FHOD3: variants seen among roughly 807,000 people sequenced by gnomAD.
The protein encoded by FHOD3 is FH1/FH2 domain-containing protein 3.
FHOD3 carries 90 observed loss-of-function variants against 173.0 expected under a neutral mutation model. That is an observed-to-expected ratio of 0.52 (90% CI 0.44 to 0.62). The LOEUF (loss-of-function observed/expected upper bound fraction) is 0.62, where lower values mean the gene tolerates loss of function less well. Ranked by LOEUF, FHOD3 falls within the 20% of genes least tolerant of loss-of-function variation. FHOD3 has a pLI of 0.00. For synonymous variants in FHOD3, 828 were observed against 823.0 expected (o/e 1.01, Z -0.10); for missense variants, 1,945 against 2,034.7 (o/e 0.96, Z 0.85).
At chr18:36,366,965 A>G (rs1358266683) in intron 2 of FHOD3, among the ~76,000 whole-genome samples, 1 of 152,188 alleles carries the variant, frequency 6.6e-6, no homozygotes, top group African/African-American at 2.4e-5. Context: ...TGCTGGAGAA[A>G]GTCATCAAGC....
chr18:36,430,453 T>A (rs1599085431), intron 3 of FHOD3, among the ~76,000 whole-genome samples: 1 of 152,210 alleles, frequency 6.6e-6, no homozygotes, highest in Admixed American at 6.5e-5. Flanking sequence ...TGACCTCAGG[T>A]GATCCGCCTG....
intron 15 of FHOD3, among the ~76,000 whole-genome samples, chr18:36,682,415 T>C (rs903572116): frequency 1.3e-5 from 2 of 152,126 alleles, no homozygotes; most frequent in East Asian, 3.8e-4. Flanking sequence ...ATTTACCCTA[T>C]AGCTTCTACA....
chr18:36,490,314 A>C (rs2054400980), intron 3 of FHOD3, among the ~76,000 whole-genome samples: 1 of 152,170 alleles, frequency 6.6e-6, no homozygotes, highest in African/African-American at 2.4e-5. Flanking sequence ...ATGGACGTGG[A>C]CTTTGCTGGG....
chr18:36,587,102 G>C (rs1472815710), intron 6 of FHOD3, among the ~76,000 whole-genome samples: 2 of 152,178 alleles, frequency 1.3e-5, no homozygotes, highest in Admixed American at 1.3e-4. Flanking sequence ...CAATGAAGGG[G>C]TTGGGGCATT....
chr18:36,514,753 G>T (rs889202217), intron 5 of FHOD3, among the ~76,000 whole-genome samples: 12 of 152,072 alleles, frequency 7.9e-5, no homozygotes, highest in Non-Finnish European at 1.5e-4. Flanking sequence ...TTGCATCAGC[G>T]CAATAGTTTA....
At chr18:36,382,797 C>T (rs1053582624) in intron 3 of FHOD3, among the ~76,000 whole-genome samples, 7 of 60,638 alleles carry the variant, frequency 1.2e-4, no homozygotes, top group Non-Finnish European at 1.7e-4. Flanking sequence ...AAGACTGTCT[C>T]TATATTTTGA....
chr18:36,361,206 G>A (rs768105098), intron 2 of FHOD3, among the ~76,000 whole-genome samples: 4 of 151,848 alleles, frequency 2.6e-5, no homozygotes, highest in Admixed American at 2.0e-4. Context: ...ATCAAGTTCT[G>A]CCCCTGCTCT....
chr18:36,440,400 C>T (rs1208019647), intron 3 of FHOD3, among the ~76,000 whole-genome samples: 2 of 152,236 alleles, frequency 1.3e-5, no homozygotes, highest in Admixed American at 6.5e-5. Flanking sequence ...ACTCCCCTTC[C>T]TTATTTGAGG....
At chr18:36,421,963 A>AT (rs2050008771) in intron 3 of FHOD3, among the ~76,000 whole-genome samples, 1 of 152,256 alleles carries the variant, frequency 6.6e-6, no homozygotes, top group African/African-American at 2.4e-5. Flanking sequence ...TCAACAATGT[A>AT]TACAAACCTT....
intron 3 of FHOD3, among the ~76,000 whole-genome samples, chr18:36,477,584 TACCTACCTACCTAC>T: frequency 7.1e-6 from 1 of 140,220 alleles, no homozygotes; most frequent in African/African-American, 2.7e-5. Flanking sequence ...CCTACCTACC[TACCTACCTACCTAC>T]CTATCTACCT....
At position 36,763,475 on chromosome 18, in the gene FHOD3, ATAT is replaced by A. The variant is rs940678832; in HGVS notation, c.4624+2695_4624+2697del. ...ATGCGTATTATACACGTTATATATA[ATAT>A]TGTATTATACACGTTATATATAATA... On this transcript the variant is annotated intron_variant, in intron 27 of 28. Coordinates refer to ENST00000590592, the MANE Select transcript of FHOD3 (RefSeq NM_001281740.3). Among the ~76,000 whole-genome samples, 6 of 143,134 alleles carry A rather than the reference ATAT, an allele frequency of 4.2e-5. No individual in the cohort carries two copies. The East Asian group carries it at 7.9e-4, about 19-fold the overall frequency. 93.9% of individuals were successfully genotyped at this position (143,134 alleles called of 152,430 possible).
rs538286440 is a variant in FHOD3, at chr18:36,370,031, G to A, written c.273-2649G>A. On this transcript the variant is annotated intron_variant, in intron 2 of 28. Coordinates refer to ENST00000590592, the MANE Select transcript of FHOD3 (RefSeq NM_001281740.3). ...ACACAGAAGTAGTACCTACATCAGA[G>A]GTGGGTGGAAGCAGGGGTAGGGAAG... Among the ~76,000 whole-genome samples the A allele has an allele frequency of 2.0e-5, 3 of 152,298 alleles. No homozygotes were observed. In the East Asian group the frequency reaches 5.8e-4, roughly 29 times the overall value.
intron 5 of FHOD3, among the ~76,000 whole-genome samples, chr18:36,529,491 AT>A (rs924343583): frequency 2.0e-5 from 3 of 151,690 alleles, no homozygotes; most frequent in Middle Eastern, 3.4e-3. Context: ...GGTTCTAGGG[AT>A]TTTTTTTTAT....
intron 3 of FHOD3, among the ~76,000 whole-genome samples, chr18:36,447,088 A>C (rs2051530752): frequency 6.6e-6 from 1 of 152,160 alleles, no homozygotes; most frequent in Non-Finnish European, 1.5e-5. Flanking sequence ...GATAGATCTT[A>C]TATCAAACAC....
chr18:36,416,307 A>G (rs1176703893), intron 3 of FHOD3, among the ~76,000 whole-genome samples: 1 of 152,230 alleles, frequency 6.6e-6, no homozygotes, highest in Non-Finnish European at 1.5e-5. Flanking sequence ...TGCTGGGATT[A>G]CAGGCGTGAG....
chr18:36,455,530 A>G (rs2052139546), intron 3 of FHOD3, among the ~76,000 whole-genome samples: 1 of 151,434 alleles, frequency 6.6e-6, no homozygotes, highest in African/African-American at 2.4e-5. Flanking sequence ...GGAGAGATTT[A>G]TTTTCCATTT....
chr18:36,529,143 G>A (rs950948802), intron 5 of FHOD3, among the ~76,000 whole-genome samples: 7 of 152,224 alleles, frequency 4.6e-5, no homozygotes, highest in South Asian at 2.1e-4. Context: ...CTCTGCAGAT[G>A]TAGCTAAACG....
At chr18:36,642,639 G>A (rs1282508192) in intron 10 of FHOD3, among the ~76,000 whole-genome samples, 1 of 151,272 alleles carries the variant, frequency 6.6e-6, no homozygotes. Context: ...ACAGAGTTGG[G>A]TTAATTATAA....
At chr18:36,450,973 T>TC (rs2051810571) in intron 3 of FHOD3, among the ~76,000 whole-genome samples, 1 of 152,226 alleles carries the variant, frequency 6.6e-6, no homozygotes, top group Non-Finnish European at 1.5e-5. Flanking sequence ...AGGTCTTACA[T>TC]CAGAATAATT....
Sources: allele counts gnomAD v4.1 joint callset (sites outside exome capture counted in the v4.1 genomes callset), GRCh38; gene constraint gnomAD v4.1.1; transcripts MANE v1.5; gene names NCBI Gene and HGNC (gene_info 2026-07-23, HGNC 2026-07-21).